EFHC1: variants seen among roughly 807,000 people sequenced by gnomAD.
EFHC1 encodes the protein EF-hand domain-containing protein 1.
A neutral mutation model predicts 69.9 loss-of-function variants in EFHC1; 53 were observed. That is an observed-to-expected ratio of 0.76 (90% CI 0.61 to 0.95). The LOEUF (loss-of-function observed/expected upper bound fraction) is 0.95. EFHC1 is among the 40% of genes least tolerant of loss of function. The pLI, the probability that EFHC1 is intolerant of heterozygous loss-of-function variation, is 0.00. For synonymous variants in EFHC1, 256 were observed against 278.4 expected (o/e 0.92, Z 0.80); for missense variants, 739 against 798.7 (o/e 0.93, Z 0.90).
In EFHC1 at chr6:52,493,639, G is replaced by C; in HGVS notation, c.*1298G>C. ...TGCACTCCATCCAGCCTGGGTGACA[G>C]AGCAAGACTCCATCTCAAAAAAAAA... On this transcript the variant is annotated 3_prime_UTR_variant, in exon 11 of 11. Coordinates refer to ENST00000371068, the MANE Select transcript of EFHC1 (RefSeq NM_018100.4). 2.2e-6 allele frequency: 1 copy of C among 451,316 alleles called. No homozygotes were observed. The highest frequency in any genetic ancestry group is 4.4e-6 in the Non-Finnish European group (1 of 226,402). The allele number at this position is 451,316 out of a possible 1,614,324, so 28.0% of individuals were successfully genotyped here. A position where few individuals can be genotyped will look rare whatever the true frequency, so the allele number is the denominator to read the frequency against.
At chr6:52,487,825 A>C (rs549015320) in intron 9 of EFHC1, 2 of 152,428 alleles carry the variant, frequency 1.3e-5, no homozygotes, top group East Asian at 3.9e-4. Flanking sequence ...CTCAGTTGGC[A>C]GTCCCTGTTG....
In EFHC1 at chr6:52,492,360, C is replaced by A. The variant is rs1765923998; in HGVS notation, c.*19C>A. On this transcript the variant is annotated 3_prime_UTR_variant, in exon 11 of 11. Coordinates refer to ENST00000371068, the MANE Select transcript of EFHC1 (RefSeq NM_018100.4). ...AAACTGACCTGCTGATGAGAAAATG[C>A]AAGACAATTTTTGATACTGGAACTA... 1.2e-6 allele frequency: 2 copies of A among 1,611,052 alleles called. No homozygotes were observed. Among genetic ancestry groups the A allele is most frequent in the East Asian group, 2.2e-5 (1 of 44,882 alleles).
rs1562465980 is a variant in EFHC1, at chr6:52,490,166, TGCA to T, written c.1669_1671del (p.Gln557del). On this transcript the variant is annotated inframe_deletion, in exon 10 of 11. Transcript: ENST00000371068. ...AAGCAAACTGAAAAGGATCCAGGCG[TGCA>T]GGAATTGGAAGCATTAATAGACACA... 1 of 1,613,806 alleles carries T rather than the reference TGCA, an allele frequency of 6.2e-7. No individual in the cohort carries two copies. The highest frequency in any genetic ancestry group is 8.5e-7 in the Non-Finnish European group (1 of 1,179,942).
chr6:52,424,131 G>A lies in EFHC1; in HGVS notation c.249G>A (p.Ala83=), dbSNP rs149627167. The change falls in exon 2 of 11, where the codon GCG becomes GCA. Residue 83 remains alanine (A), a synonymous_variant. Coordinates refer to ENST00000371068, the MANE Select transcript of EFHC1 (RefSeq NM_018100.4). ...GCCAACCTAAACAAGCCCCACCTGC[G>A]GATTTTATTCCTGCGCATGTGGCCT... ...TYGQPKQAPP[A]DFIPAHVAFD... 43 of 1,614,022 alleles carry A rather than the reference G, an allele frequency of 2.7e-5. No homozygotes were observed. Among genetic ancestry groups the A allele is most frequent in the South Asian group, 2.1e-4 (19 of 91,072 alleles).
chr6:52,445,212 C>T (rs1185415275), intron 3 of EFHC1, among the ~76,000 whole-genome samples: 4 of 150,856 alleles, frequency 2.7e-5, no homozygotes, highest in Admixed American at 1.3e-4. Flanking sequence ...GTCTTGCTAG[C>T]GGTCTATCAG....
At chr6:52,462,874 C>T (rs905238937) in intron 5 of EFHC1, among the ~76,000 whole-genome samples, 1 of 115,792 alleles carries the variant, frequency 8.6e-6, no homozygotes, top group Non-Finnish European at 1.7e-5. Flanking sequence ...GGCAACAGGG[C>T]AAGACTGTCT....
intron 1 of EFHC1, among the ~76,000 whole-genome samples, chr6:52,422,875 T>C (rs1464036913): frequency 6.6e-6 from 1 of 152,232 alleles, no homozygotes; most frequent in African/African-American, 2.4e-5. Context: ...TAATTTTATA[T>C]GTTGCTTTTT....
intron 5 of EFHC1, among the ~76,000 whole-genome samples, chr6:52,460,952 A>G (rs1035256903): frequency 1.3e-5 from 2 of 152,262 alleles, no homozygotes; most frequent in Non-Finnish European, 2.9e-5. Context: ...ATCATTAACT[A>G]TACAAATTAA....
intron 1 of EFHC1, 88 bp downstream of exon 1, chr6:52,420,561 C>A: frequency 1.4e-6 from 2 of 1,481,050 alleles, no homozygotes; most frequent in Non-Finnish European, 1.9e-6. Flanking sequence ...CATTCCCCTC[C>A]ACTCAAGTCT....
At chr6:52,443,812 C>A (rs921892012) in intron 3 of EFHC1, among the ~76,000 whole-genome samples, 7 of 152,208 alleles carry the variant, frequency 4.6e-5, no homozygotes, top group Non-Finnish European at 1.0e-4. Flanking sequence ...TAATTTTTTC[C>A]AATTCTGTGA....
intron 3 of EFHC1, among the ~76,000 whole-genome samples, chr6:52,448,285 A>C (rs1581826290): frequency 6.6e-6 from 1 of 152,138 alleles, no homozygotes; most frequent in African/African-American, 2.4e-5. Context: ...ATGCCCCTCC[A>C]CCAGCCTCGC....
chr6:52,435,769 T>C (rs1307518782), intron 2 of EFHC1, among the ~76,000 whole-genome samples: 1 of 152,250 alleles, frequency 6.6e-6, no homozygotes. Context: ...GCCCCCCTTG[T>C]ATCCTCTGCT....
intron 2 of EFHC1, among the ~76,000 whole-genome samples, chr6:52,432,172 G>A (rs1764430912): frequency 6.6e-6 from 1 of 152,084 alleles, no homozygotes; most frequent in Admixed American, 6.6e-5. Flanking sequence ...TTTAATTGGA[G>A]CATTTAGGCT....
At chr6:52,447,002 C>T (rs557096665) in intron 3 of EFHC1, among the ~76,000 whole-genome samples, 2 of 152,216 alleles carry the variant, frequency 1.3e-5, no homozygotes, top group Admixed American at 6.5e-5. Flanking sequence ...CATTTTTTTC[C>T]TTCATTTCAA....
intron 7 of EFHC1, among the ~76,000 whole-genome samples, chr6:52,476,443 C>T (rs1465032503): frequency 6.6e-6 from 1 of 152,134 alleles, no homozygotes; most frequent in Non-Finnish European, 1.5e-5. Context: ...GTGGGAAAAC[C>T]TTTGAGGAGA....
chr6:52,470,646 T>C (rs1438897938), intron 7 of EFHC1, among the ~76,000 whole-genome samples: 1 of 152,366 alleles, frequency 6.6e-6, no homozygotes, highest in East Asian at 1.9e-4. Flanking sequence ...GAACTCAGCC[T>C]TCTGGCTTTC....
chr6:52,423,941 T>C lies in EFHC1; in HGVS notation c.64-5T>C, dbSNP rs201860746. The stretch of plus-strand genomic sequence containing the variant: ...TTATTAATGACACATTCTTTTCTTC[T>C]TCAGAAAACAGCCTTCCACAGAAGT... On this transcript the variant is annotated splice_polypyrimidine_tract_variant and splice_region_variant and intron_variant, in intron 1 of 10. Transcript: ENST00000371068. The C allele has an allele frequency of 8.4e-4, 1,356 of 1,613,990 alleles. 2 individuals are homozygous for C. The highest frequency in any genetic ancestry group is 9.3e-4 in the Non-Finnish European group (1,094 of 1,179,994).
rs928396576 is a variant in EFHC1 at position 52,424,047 on chromosome 6, C to G, written c.165C>G (p.Asn55Lys). 5.6e-6 allele frequency: 9 copies of G among 1,614,166 alleles called. No individual in the cohort carries two copies. Among genetic ancestry groups the G allele is most frequent in the Non-Finnish European group, 7.6e-6 (9 of 1,180,034 alleles). ...VGIGGDRLQFNQLSQAELDEL... is the reference protein window; with the variant it reads ...VGIGGDRLQFKQLSQAELDEL... Reference sequence around the variant, plus strand: ...TAGGCGGAGACCGGCTCCAGTTCAACCAGCTGTCCCAGGCTGAGCTGGATG... The same window carrying G: ...TAGGCGGAGACCGGCTCCAGTTCAAGCAGCTGTCCCAGGCTGAGCTGGATG... Residue 55 changes from asparagine (N) to lysine (K), a missense_variant, in exon 2 of 11, where the codon AAC becomes AAG. By Grantham distance (94) the Asn-to-Lys change is moderately conservative. Coordinates refer to ENST00000371068, the MANE Select transcript of EFHC1 (RefSeq NM_018100.4).
chr6:52,450,054 A>G (rs1192934176), intron 3 of EFHC1, among the ~76,000 whole-genome samples: 2 of 152,220 alleles, frequency 1.3e-5, no homozygotes, highest in Middle Eastern at 6.8e-3. Context: ...CCTTAATTTC[A>G]TTATTTACCC....
Sources: gnomAD v4.1 joint callset for allele counts (sites outside exome capture counted in the v4.1 genomes callset) on GRCh38, gnomAD v4.1.1 for gene constraint, MANE v1.5 for transcripts, NCBI Gene and HGNC (gene_info 2026-07-23, HGNC 2026-07-21) for gene names.